Variants in NRXN3 observed in about 807,000 individuals in gnomAD.
NRXN3 encodes neurexin 3.
In NRXN3, 32 loss-of-function variants were observed where a neutral mutation model predicts 137.6. The ratio of observed to expected loss-of-function variants is 0.23; its 90% CI spans 0.18 to 0.31. The LOEUF is 0.31. Ranked by LOEUF, NRXN3 falls within the 10% of genes least tolerant of loss-of-function variation. The pLI is 1.00. For missense variants in NRXN3, 1,574 were observed against 2,062.5 expected, an observed-to-expected ratio of 0.76 and a Z score of 4.59; for synonymous variants, 798 against 784.5, an observed-to-expected ratio of 1.02 and a Z score of -0.29.
intron 15 of NRXN3, among the ~76,000 whole-genome samples, chr14:79,247,522 A>G (rs1273606456): frequency 1.3e-5 from 2 of 152,190 alleles, no homozygotes; most frequent in Admixed American, 1.3e-4. Context: ...AAGAAAGAGC[A>G]ACAAGTTTCC....
intron 4 of NRXN3, among the ~76,000 whole-genome samples, chr14:78,361,593 C>G (rs541305828): frequency 6.6e-5 from 10 of 152,238 alleles, no homozygotes; most frequent in African/African-American, 2.4e-4. Flanking sequence ...CCTGTGGGAA[C>G]TAGTGGGTCT....
At chr14:79,545,498 C>T (rs1374564636) in intron 16 of NRXN3, among the ~76,000 whole-genome samples, 1 of 152,050 alleles carries the variant, frequency 6.6e-6, no homozygotes, top group Non-Finnish European at 1.5e-5. Flanking sequence ...TTGGGTGCAC[C>T]TGGATGATAG....
chr14:79,362,419 G>T (rs916045665), intron 15 of NRXN3, among the ~76,000 whole-genome samples: 18 of 151,720 alleles, frequency 1.2e-4, no homozygotes, highest in Admixed American at 1.2e-3. Context: ...TATTTGGAAC[G>T]GTACTGGTTA....
At chr14:79,677,872 A>C (rs955689661) in intron 17 of NRXN3, among the ~76,000 whole-genome samples, 26 of 152,168 alleles carry the variant, frequency 1.7e-4, no homozygotes, top group African/African-American at 5.5e-4. Flanking sequence ...GACTTGTTCC[A>C]AGCCAACCTT....
At chr14:79,124,903 C>T (rs1298617731) in intron 15 of NRXN3, among the ~76,000 whole-genome samples, 11 of 152,020 alleles carry the variant, frequency 7.2e-5, no homozygotes, top group Admixed American at 7.2e-4. Context: ...ACACAGAGTA[C>T]ATTCTCATAG....
At chr14:78,687,091 T>C (rs2098131993) in intron 6 of NRXN3, among the ~76,000 whole-genome samples, 1 of 152,050 alleles carries the variant, frequency 6.6e-6, no homozygotes, top group Admixed American at 6.6e-5. Context: ...GACAAAAAGT[T>C]GAAGGAGAAG....
At chr14:79,018,895 C>T (rs1228673050) in intron 15 of NRXN3, among the ~76,000 whole-genome samples, 7 of 152,224 alleles carry the variant, frequency 4.6e-5, no homozygotes, top group Non-Finnish European at 1.0e-4. Context: ...TCAGGAATTA[C>T]AGCTGCTGAT....
At chr14:79,234,313 TATATATATATATATATATATATATATA>T (rs997356099) in intron 15 of NRXN3, among the ~76,000 whole-genome samples, 1 of 107,508 alleles carries the variant, frequency 9.3e-6, no homozygotes, top group African/African-American at 4.1e-5. Flanking sequence ...TATATATATA[TATATATATATATATATATATATATATA>T]ATATTTATAT....
At chr14:79,585,543 G>T (rs990972871) in intron 16 of NRXN3, among the ~76,000 whole-genome samples, 1 of 151,922 alleles carries the variant, frequency 6.6e-6, no homozygotes, top group Non-Finnish European at 1.5e-5. Flanking sequence ...AAATTAGCTG[G>T]GTGTGGTGGT....
intron 15 of NRXN3, among the ~76,000 whole-genome samples, chr14:79,227,408 T>C (rs2071138061): frequency 6.6e-6 from 1 of 152,164 alleles, no homozygotes; most frequent in Admixed American, 6.6e-5. Context: ...CCTTGTCATG[T>C]GTACACTTTT....
At position 78,852,494 on chromosome 14, in the gene NRXN3, G is replaced by A. The variant is rs546337592; in HGVS notation, c.2275+42150G>A. Among the ~76,000 whole-genome samples, 99 of 152,238 alleles carry A rather than the reference G, an allele frequency of 6.5e-4. 2 individuals are homozygous for A. The highest frequency in any genetic ancestry group is 5.2e-3 in the South Asian group (25 of 4,822). On this transcript the variant is annotated intron_variant, in intron 10 of 20. Coordinates refer to ENST00000335750, the MANE Select transcript of NRXN3 (RefSeq NM_001330195.2). ...GGAAGTGTTTTGTTATTATCACCGTGCTAGAAGATAAAATCTGAGTTCTGA... is the reference window on the plus strand; with the variant it reads ...GGAAGTGTTTTGTTATTATCACCGTACTAGAAGATAAAATCTGAGTTCTGA...
At chr14:79,059,447 C>T (rs570613621) in intron 15 of NRXN3, among the ~76,000 whole-genome samples, 3 of 151,900 alleles carry the variant, frequency 2.0e-5, no homozygotes, top group South Asian at 4.2e-4. Context: ...TTAGTAGAGA[C>T]GGGGTTTCAC....
At chr14:79,522,191 A>G (rs1228478654) in intron 16 of NRXN3, among the ~76,000 whole-genome samples, 1 of 152,198 alleles carries the variant, frequency 6.6e-6, no homozygotes, top group East Asian at 1.9e-4. Flanking sequence ...GGGAAAAGGT[A>G]GACACAAGTT....
intron 15 of NRXN3, among the ~76,000 whole-genome samples, chr14:79,151,782 C>T (rs2059822023): frequency 6.6e-6 from 1 of 151,920 alleles, no homozygotes; most frequent in Non-Finnish European, 1.5e-5. Context: ...ACAATTGTCC[C>T]AGAGTGCACA....
At chr14:79,717,448 C>G (rs2098827467) in intron 19 of NRXN3, among the ~76,000 whole-genome samples, 1 of 152,176 alleles carries the variant, frequency 6.6e-6, no homozygotes, top group African/African-American at 2.4e-5. Context: ...TCTTAAACTG[C>G]ATTTGTAGTA....
chr14:78,252,716 A>C (rs955965417), intron 2 of NRXN3, among the ~76,000 whole-genome samples: 1 of 152,180 alleles, frequency 6.6e-6, no homozygotes, highest in African/African-American at 2.4e-5. Context: ...ATTTCAGGCA[A>C]TTCTGCAATC....
intron 10 of NRXN3, among the ~76,000 whole-genome samples, chr14:78,858,827 A>G (rs1360175491): frequency 6.6e-6 from 1 of 152,060 alleles, no homozygotes; most frequent in African/African-American, 2.4e-5. Context: ...ATGTGAGCTC[A>G]TTTTCTTTCT....
chr14:78,253,634 CACTGT>C (rs916864081), intron 2 of NRXN3, among the ~76,000 whole-genome samples: 13 of 152,090 alleles, frequency 8.5e-5, no homozygotes, highest in African/African-American at 3.1e-4. Context: ...GAAATCACAC[CACTGT>C]ACTCTAGCCT....
At chr14:78,399,455 A>G (rs117042502) in intron 4 of NRXN3, among the ~76,000 whole-genome samples, 1,925 of 152,332 alleles carry the variant, frequency 0.013, 15 homozygotes, top group Non-Finnish European at 0.018. Context: ...GGTCAATTAC[A>G]GTATAGGCTC....
Sources: gnomAD v4.1 joint callset for allele counts (sites outside exome capture counted in the v4.1 genomes callset) on GRCh38, gnomAD v4.1.1 for gene constraint, MANE v1.5 for transcripts, NCBI Gene and HGNC (gene_info 2026-07-23, HGNC 2026-07-21) for gene names.